GLS: variants seen among roughly 807,000 people sequenced by gnomAD.
GLS encodes glutaminase, also known as glutaminase kidney isoform, mitochondrial.
GLS carries 36 observed loss-of-function variants against 86.7 expected under a neutral mutation model. The ratio of observed to expected loss-of-function variants is 0.42; its 90% confidence interval spans 0.32 to 0.55. The LOEUF (loss-of-function observed/expected upper bound fraction) is 0.55, where lower values mean the gene tolerates loss of function less well. GLS is among the 20% of genes least tolerant of loss of function. The pLI is 0.17. For synonymous variants in GLS, 317 were observed against 305.9 expected, an observed-to-expected ratio of 1.04 and a Z score of -0.38; for missense variants, 528 against 833.4, an observed-to-expected ratio of 0.63 and a Z score of 4.51.
intron 7 of GLS, among the ~76,000 whole-genome samples, chr2:190,917,482 T>C (rs952833104): frequency 2.0e-4 from 30 of 152,238 alleles, no homozygotes; most frequent in African/African-American, 7.2e-4. Flanking sequence ...CCTGTTAATA[T>C]TGATATTTCG....
intron 7 of GLS, among the ~76,000 whole-genome samples, chr2:190,911,376 C>A (rs2124870227): frequency 6.6e-6 from 1 of 152,182 alleles, no homozygotes; most frequent in Non-Finnish European, 1.5e-5. Context: ...TCTTAAGAAT[C>A]TATATGTTTA....
chr2:190,924,164 AT>A lies in GLS; in HGVS notation c.1197+184del, dbSNP rs1432299295. 6.6e-6 allele frequency among the ~76,000 whole-genome samples: 1 copy of A among 152,118 alleles called. No homozygotes were observed. Among genetic ancestry groups the A allele is most frequent in the Non-Finnish European group, 1.5e-5 (1 of 68,000 alleles). On this transcript the variant is annotated intron_variant, in intron 10 of 17. Coordinates refer to ENST00000320717, the MANE Select transcript of GLS (RefSeq NM_014905.5). This position sits in a 1 kb window ranked among gnomAD's most constrained non-coding sequence, Gnocchi z 5.2. ...AATTGTTAATGTTATTGTTAATTTG[AT>A]TTGTATCTGGCAGCATTTAAATATT...
At chr2:190,902,265 T>C (rs1054526079) in intron 5 of GLS, among the ~76,000 whole-genome samples, 3 of 152,182 alleles carry the variant, frequency 2.0e-5, no homozygotes, top group Admixed American at 1.3e-4. Context: ...TTGAGTATTA[T>C]TCAAATACCT....
Position 190,949,362 on chromosome 2 carries a change from T to C in GLS, c.1651-4203T>C, listed in dbSNP as rs1304534083. On this transcript the variant is annotated intron_variant, in intron 14 of 17. Coordinates refer to ENST00000320717, the MANE Select transcript of GLS (RefSeq NM_014905.5). The surrounding 1 kb of genome is among the most constrained non-coding windows in gnomAD (Gnocchi z 4.0). The stretch of plus-strand genomic sequence containing the variant: ...CAGAAGCAGAGGCATCAGTTAATGA[T>C]TGAATAAATCTTGTAATGATATTCA... Among the ~76,000 whole-genome samples the C allele has an allele frequency of 6.6e-6, 1 of 152,122 alleles. No individual in the cohort carries two copies. The highest frequency in any genetic ancestry group is 2.4e-5 in the African/African-American group (1 of 41,408).
At chr2:190,919,106 A>C (rs1689648068) in intron 7 of GLS, among the ~76,000 whole-genome samples, 1 of 152,170 alleles carries the variant, frequency 6.6e-6, no homozygotes, top group South Asian at 2.1e-4. Flanking sequence ...CAGGGTTATC[A>C]CAAACCTTCA....
At chr2:190,937,460 C>T (rs947882656) in intron 14 of GLS, among the ~76,000 whole-genome samples, 5 of 151,134 alleles carry the variant, frequency 3.3e-5, no homozygotes, top group East Asian at 1.9e-4. Context: ...TGTGATGTTT[C>T]GTAGAGTTCT....
rs1262041194 is a variant in GLS at position 190,943,449 on chromosome 2, A to G, written c.1651-10116A>G. On this transcript the variant is annotated intron_variant, in intron 14 of 17. Transcript: ENST00000320717. The surrounding 1 kb of genome is among the most constrained non-coding windows in gnomAD (Gnocchi z 4.5). ...AGAGTAGGAGAGGCTTCCACTAGGG[A>G]AAGGTGGCCAGAGAAGAGAAAATCC... Among the ~76,000 whole-genome samples the G allele has an allele frequency of 6.6e-6, 1 of 152,192 alleles. No individual in the cohort carries two copies. The highest frequency in any genetic ancestry group is 1.5e-5 in the Non-Finnish European group (1 of 68,026).
intron 9 of GLS, among the ~76,000 whole-genome samples, chr2:190,922,432 AG>A (rs1275640553): frequency 6.6e-6 from 1 of 152,118 alleles, no homozygotes; most frequent in Non-Finnish European, 1.5e-5. Context: ...TATCTTTTCC[AG>A]GAAGTATTCC....
At position 190,902,477 on chromosome 2, in the gene GLS, T is replaced by C. The variant is rs560542516; in HGVS notation, c.815+451T>C. Among the ~76,000 whole-genome samples the C allele has an allele frequency of 6.6e-5, 10 of 152,304 alleles. No homozygotes were observed. The South Asian group carries it at 2.1e-3, about 32-fold the overall frequency. On this transcript the variant is annotated intron_variant, in intron 5 of 17. Coordinates refer to ENST00000320717, the MANE Select transcript of GLS (RefSeq NM_014905.5). ...ACATAACGTATCCCAAAGTTAAAAG[T>C]CAGTTGCAAAACATGTAGGATTTCA...
chr2:190,904,555 C>T (rs547973291), intron 5 of GLS, among the ~76,000 whole-genome samples: 1 of 152,232 alleles, frequency 6.6e-6, no homozygotes, highest in South Asian at 2.1e-4. Flanking sequence ...CCACCAACCA[C>T]AGATCGAAAA....
rs999470736 is a variant in GLS, at chr2:190,951,622, G to A, written c.1651-1943G>A. On this transcript the variant is annotated intron_variant, in intron 14 of 17. Transcript: ENST00000320717. This position sits in a 1 kb window ranked among gnomAD's most constrained non-coding sequence, Gnocchi z 4.2. ...AAACAGTTTTTATCTTTTTAGCAAAGTTGTAGTTAGGATCTTCTGTCTGTT... is the reference window on the plus strand; with the variant it reads ...AAACAGTTTTTATCTTTTTAGCAAAATTGTAGTTAGGATCTTCTGTCTGTT... 1.1e-4 allele frequency among the ~76,000 whole-genome samples: 17 copies of A among 152,138 alleles called. No homozygotes were observed. Among genetic ancestry groups the A allele is most frequent in the African/African-American group, 4.1e-4 (17 of 41,440 alleles).
At chr2:190,885,439 T>G (rs1012532666) in intron 1 of GLS, among the ~76,000 whole-genome samples, 10 of 152,160 alleles carry the variant, frequency 6.6e-5, no homozygotes, top group African/African-American at 2.4e-4. Flanking sequence ...ATCTGCCCGC[T>G]GTGGCCACCC....
At position 190,951,570 on chromosome 2, in the gene GLS, G is replaced by A. The variant is rs771523712; in HGVS notation, c.1651-1995G>A. Among the ~76,000 whole-genome samples the A allele has an allele frequency of 2.6e-5, 4 of 152,152 alleles. No homozygotes were observed. Among genetic ancestry groups the A allele is most frequent in the Non-Finnish European group, 5.9e-5 (4 of 68,036 alleles). On this transcript the variant is annotated intron_variant, in intron 14 of 17. Transcript: ENST00000320717. The surrounding 1 kb of genome is among the most constrained non-coding windows in gnomAD (Gnocchi z 4.2). ...ATAGATAAAAAGTAGTCTCAAAAAT[G>A]AGGAAGCTTTTTACTTTGAGCGATG...
intron 6 of GLS, among the ~76,000 whole-genome samples, chr2:190,906,934 T>G (rs1689162420): frequency 6.6e-6 from 1 of 150,874 alleles, no homozygotes; most frequent in Non-Finnish European, 1.5e-5. Context: ...TGTAGTAGTT[T>G]TTTTTTTTTT....
At chr2:190,934,524 G>C in intron 14 of GLS, 2 of 983,846 alleles carry the variant, frequency 2.0e-6, no homozygotes, top group Non-Finnish European at 2.4e-6. Context: ...CTGCATATTT[G>C]TGTTGCATAT....
chr2:190,880,901 CAGCAGCAGCAG>C lies in GLS; in HGVS notation c.-183_-173del. 6 of 919,956 alleles carry C rather than the reference CAGCAGCAGCAG, an allele frequency of 6.5e-6. No homozygotes were observed. In the South Asian group the frequency reaches 8.5e-5, roughly 13 times the overall value. The allele number at this position is 919,956 out of a possible 1,614,324, so 57.0% of individuals were successfully genotyped here. A position where few individuals can be genotyped will look rare whatever the true frequency, so the allele number is the denominator to read the frequency against. ...GCAGCAGCAGCAGCAGCAGCAGCAG[CAGCAGCAGCAG>C]CAGCAGCACCCGCATCCGCTGCGGG... On this transcript the variant is annotated 5_prime_UTR_variant, in exon 1 of 18. Coordinates refer to ENST00000320717, the MANE Select transcript of GLS (RefSeq NM_014905.5).
intron 4 of GLS, 139 bp from the exon 5 acceptor site, chr2:190,901,801 CAGAAGAT>C (rs1688949555): frequency 6.7e-6 from 4 of 595,738 alleles, no homozygotes; most frequent in African/African-American, 1.9e-5. Flanking sequence ...AGCATTGTTA[CAGAAGAT>C]AGACTATGAA....
At chr2:190,904,605 A>G (rs1160275661) in intron 5 of GLS, among the ~76,000 whole-genome samples, 1 of 152,158 alleles carries the variant, frequency 6.6e-6, no homozygotes, top group Non-Finnish European at 1.5e-5. Context: ...GGCTGTAGTA[A>G]ACATGTACAG....
rs143864331 is a variant in GLS, at chr2:190,912,617, A to G, written c.1038+2296A>G. Among the ~76,000 whole-genome samples the G allele has an allele frequency of 2.4e-4, 37 of 152,256 alleles. No homozygotes were observed. In the East Asian group the frequency reaches 5.8e-3, roughly 24 times the overall value. On this transcript the variant is annotated intron_variant, in intron 7 of 17. Coordinates refer to ENST00000320717, the MANE Select transcript of GLS (RefSeq NM_014905.5). Reference sequence around the variant, plus strand: ...GTCAAACCCAGTTCTCTTACTTTATATAACGGAGGAAACTGAGAACCTGGC... The same window carrying G: ...GTCAAACCCAGTTCTCTTACTTTATGTAACGGAGGAAACTGAGAACCTGGC...
Sources: gnomAD v4.1 joint callset for allele counts (sites outside exome capture counted in the v4.1 genomes callset) on GRCh38, gnomAD v4.1.1 for gene constraint, Gnocchi (gnomAD v3.1) non-coding constraint, MANE v1.5 for transcripts, NCBI Gene and HGNC (gene_info 2026-07-23, HGNC 2026-07-21) for gene names.